ANO3: variants seen among roughly 807,000 people sequenced by gnomAD.
ANO3 encodes the protein anoctamin-3.
ANO3 carries 99 observed loss-of-function variants against 144.8 expected under a neutral mutation model. The observed-to-expected ratio is 0.68, with a 90% CI of 0.58 to 0.81. The LOEUF is 0.81. Among genes scored for constraint, ANO3 ranks in the 30% least tolerant of loss-of-function variants. The pLI is 0.00. For missense variants in ANO3, 905 were observed against 1,202.2 expected, an observed-to-expected ratio of 0.75 and a Z score of 3.66; for synonymous variants, 414 against 392.6, an observed-to-expected ratio of 1.05 and a Z score of -0.64.
At chr11:26,330,488 T>C (rs907247561), upstream of ANO3, among the ~76,000 whole-genome samples, 1 of 152,190 alleles carries the variant, frequency 6.6e-6, no homozygotes, top group Non-Finnish European at 1.5e-5. Flanking sequence ...TCAGCATTTC[T>C]TTCTGGAAAG....
At chr11:26,459,343 A>C (rs922961213) in intron 3 of ANO3, among the ~76,000 whole-genome samples, 1 of 152,104 alleles carries the variant, frequency 6.6e-6, no homozygotes, top group Non-Finnish European at 1.5e-5. Context: ...GGTAGGAGGA[A>C]AAGATGGATA....
At chr11:26,593,987 T>C (rs1337329385) in intron 14 of ANO3, among the ~76,000 whole-genome samples, 1 of 152,206 alleles carries the variant, frequency 6.6e-6, no homozygotes, top group Non-Finnish European at 1.5e-5. Context: ...TTTTCTAATG[T>C]CTGCAGCTGA....
Position 26,410,311 on chromosome 11 carries a change from A to G in ANO3, c.47-31607A>G, listed in dbSNP as rs371115559. 3.3e-5 allele frequency among the ~76,000 whole-genome samples: 5 copies of G among 152,144 alleles called. No individual in the cohort carries two copies. The South Asian group carries it at 8.3e-4, about 25-fold the overall frequency. ...ATCAAAAAATTACAGAGAATTACTT[A>G]ATTAAAATTGGGATGCATGCCTGTA... On this transcript the variant is annotated intron_variant, in intron 1 of 26. Coordinates refer to ENST00000256737, the MANE Select transcript of ANO3 (RefSeq NM_031418.4).
chr11:26,483,458 C>G (rs1407055829), intron 4 of ANO3, among the ~76,000 whole-genome samples: 2 of 152,242 alleles, frequency 1.3e-5, no homozygotes, highest in African/African-American at 4.8e-5. Flanking sequence ...AATGAGTTCT[C>G]ATGAGATCTG....
intron 3 of ANO3, among the ~76,000 whole-genome samples, chr11:26,457,234 GAAATA>G (rs1028107720): frequency 4.4e-4 from 10 of 22,654 alleles, no homozygotes; most frequent in Admixed American, 8.3e-4. Context: ...ATTAAAAAAA[GAAATA>G]AAAAAAAAAC....
chr11:26,344,982 T>C (rs1855463545), intron 1 of ANO3, among the ~76,000 whole-genome samples: 1 of 152,196 alleles, frequency 6.6e-6, no homozygotes. Context: ...AACACTATAA[T>C]GATAAAACTA....
chr11:26,190,372 A>G (rs1851451989), intron 1 of ANO3, among the ~76,000 whole-genome samples: 1 of 152,076 alleles, frequency 6.6e-6, no homozygotes, highest in Non-Finnish European at 1.5e-5. Flanking sequence ...TAAACAGGAG[A>G]TAAGACATTC....
intron 14 of ANO3, among the ~76,000 whole-genome samples, chr11:26,577,564 CAAA>C (rs56856563): frequency 3.9e-4 from 51 of 129,766 alleles, no homozygotes; most frequent in Middle Eastern, 4.1e-3. Flanking sequence ...GACTCCGTCT[CAAA>C]AAAAAAAAAA....
intron 4 of ANO3, among the ~76,000 whole-genome samples, chr11:26,471,804 A>T (rs983343942): frequency 2.0e-5 from 3 of 151,994 alleles, no homozygotes; most frequent in Non-Finnish European, 2.9e-5. Context: ...GTCGTATTTC[A>T]TATATGATAC....
chr11:26,349,808 A>G (rs930171283), intron 1 of ANO3, among the ~76,000 whole-genome samples: 2 of 152,106 alleles, frequency 1.3e-5, no homozygotes, highest in African/African-American at 4.8e-5. Context: ...TCGGCCTCCC[A>G]AAGTGCTGGG....
At chr11:26,198,271 T>G (rs1488434929) in intron 1 of ANO3, among the ~76,000 whole-genome samples, 2 of 152,202 alleles carry the variant, frequency 1.3e-5, no homozygotes, top group Admixed American at 6.5e-5. Context: ...ATTCATATCC[T>G]GGATATTGTC....
At chr11:26,404,537 T>C (rs1857227611) in intron 1 of ANO3, among the ~76,000 whole-genome samples, 1 of 151,796 alleles carries the variant, frequency 6.6e-6, no homozygotes. Context: ...AATTAATGCA[T>C]GCAACGTTCC....
At chr11:26,504,660 T>G (rs550421124) in intron 4 of ANO3, among the ~76,000 whole-genome samples, 7 of 152,286 alleles carry the variant, frequency 4.6e-5, no homozygotes, top group South Asian at 4.1e-4. Context: ...AGTTACATTA[T>G]CTCATCTATA....
At chr11:26,546,708 A>G (rs932035268) in intron 11 of ANO3, among the ~76,000 whole-genome samples, 2 of 152,000 alleles carry the variant, frequency 1.3e-5, no homozygotes, top group African/African-American at 4.8e-5. Context: ...AATGATATTC[A>G]TCAACTAGAG....
chr11:26,627,932 A>G (rs1412689417), intron 18 of ANO3, among the ~76,000 whole-genome samples: 2 of 151,526 alleles, frequency 1.3e-5, no homozygotes, highest in African/African-American at 2.4e-5. Flanking sequence ...ATTAAGTTTT[A>G]CTTCTCAGAA....
At chr11:26,194,450 G>GTGTA (rs1554920735) in intron 1 of ANO3, among the ~76,000 whole-genome samples, 5 of 144,588 alleles carry the variant, frequency 3.5e-5, no homozygotes, top group African/African-American at 5.2e-5. Context: ...GTGTGTGTGT[G>GTGTA]TGTGTGTGTG....
chr11:26,390,746 A>C (rs1856853805), intron 1 of ANO3, among the ~76,000 whole-genome samples: 4 of 152,174 alleles, frequency 2.6e-5, no homozygotes, highest in Admixed American at 6.6e-5. Context: ...ACCATTACAC[A>C]GTTACTGAAG....
At chr11:26,563,144 C>T in intron 14 of ANO3, 1 of 1,611,994 alleles carries the variant, frequency 6.2e-7, no homozygotes, top group South Asian at 1.1e-5. Context: ...CATAAAGTCG[C>T]CGATGGGAAA....
chr11:26,310,648 G>T (rs569957455), intron 1 of ANO3, among the ~76,000 whole-genome samples: 16 of 152,126 alleles, frequency 1.1e-4, no homozygotes, highest in Middle Eastern at 3.2e-3. Context: ...TGTGTGTGTT[G>T]TGTGAATATG....
Sources: gnomAD v4.1 joint callset for allele counts (sites outside exome capture counted in the v4.1 genomes callset) on GRCh38, gnomAD v4.1.1 for gene constraint, MANE v1.5 for transcripts, NCBI Gene and HGNC (gene_info 2026-07-23, HGNC 2026-07-21) for gene names.